The following PSD3 variants were observed in gnomAD, a reference collection of about 807,000 sequenced individuals.
PSD3 encodes pleckstrin and Sec7 domain containing 3, also known as PH and SEC7 domain-containing protein 3.
PSD3 carries 49 observed loss-of-function variants against 105.5 expected under a neutral mutation model. That is an observed-to-expected ratio of 0.46 (90% CI 0.37 to 0.59). The LOEUF is 0.59. Ranked by LOEUF, PSD3 falls within the 20% of genes least tolerant of loss-of-function variation. The pLI is 0.00. For missense variants in PSD3, 1,561 were observed against 1,263.8 expected (o/e 1.24, Z -3.57); for synonymous variants, 557 against 457.8 (o/e 1.22, Z -2.77).
intron 4 of PSD3, among the ~76,000 whole-genome samples, chr8:18,818,369 G>A (rs1812401174): frequency 6.6e-6 from 1 of 150,528 alleles, no homozygotes; most frequent in African/African-American, 2.4e-5. Context: ...TTTTTTTAGG[G>A]AGCTATACAT....
intron 8 of PSD3, among the ~76,000 whole-genome samples, chr8:18,773,514 T>C (rs774575042): frequency 6.6e-6 from 1 of 152,190 alleles, no homozygotes; most frequent in South Asian, 2.1e-4. Flanking sequence ...CTGGGATAAA[T>C]GTTATTGAGA....
At chr8:18,603,979 G>A (rs1313954144) in intron 11 of PSD3, among the ~76,000 whole-genome samples, 1 of 152,134 alleles carries the variant, frequency 6.6e-6, no homozygotes, top group African/African-American at 2.4e-5. Context: ...CCAGTCTCAG[G>A]TTTTCTTTAT....
intron 8 of PSD3, among the ~76,000 whole-genome samples, chr8:18,773,866 A>G (rs1221126331): frequency 6.6e-6 from 1 of 152,200 alleles, no homozygotes; most frequent in African/African-American, 2.4e-5. Flanking sequence ...TCTTAACAAT[A>G]AAGTTCCAAT....
At chr8:18,561,970 T>C (rs918607663) in intron 14 of PSD3, among the ~76,000 whole-genome samples, 6 of 152,040 alleles carry the variant, frequency 3.9e-5, no homozygotes, top group Non-Finnish European at 7.4e-5. Flanking sequence ...AAGATTTACA[T>C]AGTACTTATC....
intron 1 of PSD3, among the ~76,000 whole-genome samples, chr8:19,038,145 T>C (rs1301574202): frequency 6.6e-6 from 1 of 152,102 alleles, no homozygotes; most frequent in Non-Finnish European, 1.5e-5. Flanking sequence ...TCAGCCAACA[T>C]GTGGCATGTC....
At chr8:18,545,570 C>T (rs7001333) in intron 15 of PSD3, among the ~76,000 whole-genome samples, 1 of 152,180 alleles carries the variant, frequency 6.6e-6, no homozygotes, top group Non-Finnish European at 1.5e-5. Context: ...GTACTGCTAT[C>T]TGGGTAAGAG....
chr8:18,537,613 GAA>G (rs1273450587), intron 15 of PSD3, among the ~76,000 whole-genome samples: 6 of 152,106 alleles, frequency 3.9e-5, no homozygotes, highest in Non-Finnish European at 8.8e-5. Flanking sequence ...GGGCTTCTGG[GAA>G]AGAGATTTTG....
At chr8:18,553,259 G>A (rs1184360734) in intron 15 of PSD3, among the ~76,000 whole-genome samples, 1 of 152,180 alleles carries the variant, frequency 6.6e-6, no homozygotes, top group Non-Finnish European at 1.5e-5. Context: ...GAGGAGGTGA[G>A]AGCACCCATT....
In PSD3 at chr8:18,600,569, T is replaced by G. The variant is rs116087680; in HGVS notation, c.2411-135A>C. ...AGTAATAACAATAAGAACTAAAATT[T>G]TCTGAGCCTTATGGTGTACCAGGCG... On this transcript the variant is annotated intron_variant, in intron 11 of 15. Transcript: ENST00000327040. 7.2e-4 allele frequency: 513 copies of G among 717,244 alleles called. 3 individuals are homozygous for G. In the African/African-American group the frequency reaches 8.2e-3, roughly 11 times the overall value. 44.4% of individuals were successfully genotyped at this position (717,244 alleles called of 1,614,324 possible).
intron 4 of PSD3, among the ~76,000 whole-genome samples, chr8:18,829,884 A>G (rs1813540114): frequency 6.6e-6 from 1 of 152,216 alleles, no homozygotes; most frequent in African/African-American, 2.4e-5. Flanking sequence ...AGTAAAAAAT[A>G]ATAAATAAAA....
intron 10 of PSD3, among the ~76,000 whole-genome samples, chr8:18,649,602 T>C (rs1808319307): frequency 6.6e-6 from 1 of 152,102 alleles, no homozygotes; most frequent in Non-Finnish European, 1.5e-5. Flanking sequence ...TGGGAAGGCA[T>C]GACTGTATTT....
intron 1 of PSD3, among the ~76,000 whole-genome samples, chr8:19,034,902 T>C (rs1827892024): frequency 6.6e-6 from 1 of 151,986 alleles, no homozygotes; most frequent in Non-Finnish European, 1.5e-5. Flanking sequence ...GCATCCCCTC[T>C]CCTCACAGAC....
intron 1 of PSD3, among the ~76,000 whole-genome samples, chr8:18,989,935 T>C (rs182402034): frequency 6.6e-6 from 1 of 152,304 alleles, no homozygotes; most frequent in East Asian, 1.9e-4. Flanking sequence ...ACAAGAGTGC[T>C]ACATCTCAAT....
At chr8:18,916,284 AT>A (rs550235855) in intron 2 of PSD3, among the ~76,000 whole-genome samples, 5,859 of 122,688 alleles carry the variant, frequency 0.048, 248 homozygotes, top group Admixed American at 0.083. Flanking sequence ...TGCTGAATGG[AT>A]TTAAAAAAAG....
At chr8:18,799,917 C>G (rs11993401) in intron 7 of PSD3, among the ~76,000 whole-genome samples, 1 of 151,928 alleles carries the variant, frequency 6.6e-6, no homozygotes, top group East Asian at 1.9e-4. Context: ...TTTCAATTTA[C>G]GCTAAATTAG....
intron 8 of PSD3, among the ~76,000 whole-genome samples, chr8:18,780,672 G>C (rs192264471): frequency 1.1e-3 from 167 of 152,146 alleles, no homozygotes; most frequent in African/African-American, 4.0e-3. Flanking sequence ...TCCTACCTCA[G>C]CCTCCTGAGT....
chr8:18,620,038 G>T (rs1805989610), intron 11 of PSD3, among the ~76,000 whole-genome samples: 1 of 152,112 alleles, frequency 6.6e-6, no homozygotes. Flanking sequence ...TGCCACCCAT[G>T]AGGCTGCTTC....
intron 8 of PSD3, among the ~76,000 whole-genome samples, chr8:18,766,715 C>A (rs1269657349): frequency 6.6e-6 from 1 of 152,136 alleles, no homozygotes; most frequent in African/African-American, 2.4e-5. Flanking sequence ...GGGTGAGAGA[C>A]AAGGTATTTA....
chr8:18,841,951 G>C (rs911385701), intron 4 of PSD3, among the ~76,000 whole-genome samples: 1 of 152,172 alleles, frequency 6.6e-6, no homozygotes, highest in Non-Finnish European at 1.5e-5. Context: ...CCAGTGGAGA[G>C]GTAGGGAAGG....
Sources: gnomAD v4.1 joint callset for allele counts (sites outside exome capture counted in the v4.1 genomes callset) on GRCh38, gnomAD v4.1.1 for gene constraint, MANE v1.5 for transcripts, NCBI Gene and HGNC (gene_info 2026-07-23, HGNC 2026-07-21) for gene names.